Variants in RBM19 observed in about 807,000 individuals in gnomAD.
The protein encoded by RBM19 is RNA binding motif protein 19, also known as probable RNA-binding protein 19.
In RBM19, 94 loss-of-function variants were observed where a neutral mutation model predicts 116.8. The observed-to-expected ratio is 0.80, with a 90% CI of 0.68 to 0.95. RBM19 has a LOEUF of 0.95. RBM19 is among the 40% of genes least tolerant of loss of function. The pLI, the probability that RBM19 is intolerant of heterozygous loss-of-function variation, is 0.00. For missense variants in RBM19, 1,161 were observed against 1,220.7 expected, an observed-to-expected ratio of 0.95 and a Z score of 0.73; for synonymous variants, 475 against 494.1, an observed-to-expected ratio of 0.96 and a Z score of 0.51.
chr12:113,904,441 G>C (rs966264751), intron 21 of RBM19, among the ~76,000 whole-genome samples: 1 of 152,206 alleles, frequency 6.6e-6, no homozygotes, highest in Admixed American at 6.5e-5. Context: ...GAAGCCATCT[G>C]ACTTGTGCGC....
intron 16 of RBM19, among the ~76,000 whole-genome samples, chr12:113,934,451 C>T (rs1869876062): frequency 6.6e-6 from 1 of 152,230 alleles, no homozygotes; most frequent in African/African-American, 2.4e-5. Flanking sequence ...ATGCCAAGGA[C>T]TTAGAACCAT....
chr12:113,941,147 T>C (rs570608313), intron 14 of RBM19, among the ~76,000 whole-genome samples: 17 of 152,324 alleles, frequency 1.1e-4, no homozygotes, highest in Admixed American at 9.1e-4. Context: ...TCAATTTTTC[T>C]CATCTGCAAA....
chr12:113,865,398 G>A (rs922907243), intron 21 of RBM19, among the ~76,000 whole-genome samples: 1 of 152,128 alleles, frequency 6.6e-6, no homozygotes, highest in African/African-American at 2.4e-5. Flanking sequence ...ACCCCTGCCT[G>A]TCACATCTGA....
chr12:113,864,145 T>G (rs11066796), intron 21 of RBM19, among the ~76,000 whole-genome samples: 71,088 of 152,026 alleles, frequency 0.47, 17,647 homozygotes, highest in East Asian at 0.84. Context: ...GCATCAGGCT[T>G]AGCTAGGCTC....
chr12:113,819,201 C>T (rs781277618), downstream of RBM19, among the ~76,000 whole-genome samples: 7 of 152,290 alleles, frequency 4.6e-5, no homozygotes, highest in Admixed American at 6.5e-5. Context: ...AGCCTGTCCC[C>T]GTTCCTCCCA....
intron 20 of RBM19, 143 bp from the exon 21 acceptor site, chr12:113,915,228 G>A: frequency 2.8e-6 from 2 of 703,610 alleles, no homozygotes; most frequent in Non-Finnish European, 5.1e-6. Flanking sequence ...CGTGAAAGGA[G>A]AGGAAGGCCG....
rs1875308472 is a variant in RBM19, at chr12:113,830,577, G to GGA, written c.2786-7257_2786-7256insTC. On this transcript the variant is annotated intron_variant, in intron 23 of 23. Coordinates refer to ENST00000261741, the MANE Select transcript of RBM19 (RefSeq NM_016196.4). ...TACCCTGAGCTAGGGCTGCGGGGCG[G>GGA]GGGGGGGGGGGGTGGGCTATGCCTG... 5.2e-5 allele frequency among the ~76,000 whole-genome samples: 5 copies of GGA among 96,778 alleles called. 1 individual carries two copies. Among genetic ancestry groups the GGA allele is most frequent in the Non-Finnish European group, 9.1e-5 (4 of 43,936 alleles). The allele number at this position is 96,778 out of a possible 152,430, so 63.5% of individuals were successfully genotyped here.
At chr12:113,902,146 C>G (rs1310147154) in intron 21 of RBM19, among the ~76,000 whole-genome samples, 1 of 152,110 alleles carries the variant, frequency 6.6e-6, no homozygotes, top group Non-Finnish European at 1.5e-5. Flanking sequence ...CGGTCATTTG[C>G]ATGTATGTAT....
intron 21 of RBM19, among the ~76,000 whole-genome samples, chr12:113,891,251 G>A (rs1299822792): frequency 1.3e-5 from 2 of 152,228 alleles, no homozygotes; most frequent in Non-Finnish European, 2.9e-5. Flanking sequence ...TTGTCCACAG[G>A]TGGGACGCTG....
At chr12:113,849,792 A>T (rs1319328303) in intron 22 of RBM19, among the ~76,000 whole-genome samples, 3 of 152,176 alleles carry the variant, frequency 2.0e-5, no homozygotes, top group Non-Finnish European at 4.4e-5. Flanking sequence ...TCCTGCCATC[A>T]TTGATGGCCA....
intron 22 of RBM19, among the ~76,000 whole-genome samples, chr12:113,853,796 T>A (rs1285836525): frequency 2.0e-5 from 3 of 152,180 alleles, no homozygotes; most frequent in Admixed American, 6.5e-5. Flanking sequence ...CGGTAGAGTG[T>A]GCTAGTGGGG....
chr12:113,942,864 G>C (rs1870700644), intron 13 of RBM19, among the ~76,000 whole-genome samples: 1 of 152,160 alleles, frequency 6.6e-6, no homozygotes, highest in Non-Finnish European at 1.5e-5. Context: ...ACCTGCCTCA[G>C]CTTCCCAAAG....
intron 21 of RBM19, among the ~76,000 whole-genome samples, chr12:113,904,624 T>C (rs1163485139): frequency 1.3e-5 from 2 of 152,174 alleles, no homozygotes; most frequent in Non-Finnish European, 2.9e-5. Flanking sequence ...AATACTCAAA[T>C]GCTGGTGCTG....
intron 16 of RBM19, among the ~76,000 whole-genome samples, chr12:113,936,178 T>A (rs1035364504): frequency 6.6e-6 from 1 of 152,144 alleles, no homozygotes; most frequent in African/African-American, 2.4e-5. Context: ...TTTTTTAACA[T>A]CCTTATTTTA....
At chr12:113,915,485 A>G (rs571143194) in intron 20 of RBM19, among the ~76,000 whole-genome samples, 1 of 152,330 alleles carries the variant, frequency 6.6e-6, no homozygotes, top group Non-Finnish European at 1.5e-5. Flanking sequence ...GAGGAGGAAC[A>G]TGCGGGGGCC....
chr12:113,860,867 C>T (rs1431333047), intron 21 of RBM19, among the ~76,000 whole-genome samples: 3 of 152,140 alleles, frequency 2.0e-5, no homozygotes, highest in Admixed American at 6.5e-5. Flanking sequence ...GCCCAGGAGT[C>T]GGGCTCAGGG....
chr12:113,830,586 G>T (rs1485446478), intron 23 of RBM19, among the ~76,000 whole-genome samples: 1 of 97,364 alleles, frequency 1.0e-5, no homozygotes, highest in African/African-American at 3.7e-5. Flanking sequence ...GGGGGGGGGG[G>T]GGGTGGGCTA....
chr12:113,945,477 C>T (rs1027965306), intron 13 of RBM19, among the ~76,000 whole-genome samples: 7 of 152,198 alleles, frequency 4.6e-5, no homozygotes, highest in Non-Finnish European at 8.8e-5. Flanking sequence ...CCCTGGATCT[C>T]GGTTTCTTCA....
rs1200781954 is a variant in RBM19 at position 113,928,640 on chromosome 12, T to TGTGTGTGTGTGC, written c.2069-1412_2069-1411insGCACACACACAC. On this transcript the variant is annotated intron_variant, in intron 16 of 23. Transcript: ENST00000261741. ...TTAGCAAGGGATGTGTGTGTGTGTG[T>TGTGTGTGTGTGC]GTGTGTGTGTGTGTGTGTGTGTCTG... is the stretch of plus-strand genomic sequence containing the variant. 4.0e-5 allele frequency among the ~76,000 whole-genome samples: 6 copies of TGTGTGTGTGTGC among 149,574 alleles called. No homozygotes were observed. In the East Asian group the frequency reaches 1.3e-3, roughly 31 times the overall value.
Sources: gnomAD v4.1 joint callset for allele counts (sites outside exome capture counted in the v4.1 genomes callset) on GRCh38, gnomAD v4.1.1 for gene constraint, MANE v1.5 for transcripts, NCBI Gene and HGNC (gene_info 2026-07-23, HGNC 2026-07-21) for gene names.